The following INSL6 variants were observed in gnomAD, a reference collection of about 807,000 sequenced individuals.
The protein encoded by INSL6 is insulin-like peptide INSL6.
Under a neutral mutation model 9.4 loss-of-function variants are expected in INSL6, and 16 were observed. That is an observed-to-expected ratio of 1.70 (90% CI 1.15 to 2.59). The LOEUF (loss-of-function observed/expected upper bound fraction) is 2.59, where lower values mean the gene tolerates loss of function less well. Among genes scored for constraint, INSL6 ranks in the 30% most tolerant of loss-of-function variants. The pLI, the probability that INSL6 is intolerant of heterozygous loss-of-function variation, is 0.00. For missense variants in INSL6, 391 were observed against 257.3 expected (o/e 1.52, Z -3.56); for synonymous variants, 154 against 96.9 (o/e 1.59, Z -3.46).
chr9:5,096,398 G>T, the INSL6 span, among the ~76,000 whole-genome samples: 1 of 152,106 alleles, frequency 6.6e-6, no homozygotes, highest in Non-Finnish European at 1.5e-5. Flanking sequence ...CTTTAATTAA[G>T]CTAAGTCCTT....
intron 1 of INSL6, among the ~76,000 whole-genome samples, chr9:5,174,614 A>G (rs1400581606): frequency 1.3e-5 from 2 of 152,166 alleles, no homozygotes; most frequent in African/African-American, 2.4e-5. Context: ...TTCTATGTAC[A>G]CTTACTCTTC....
the INSL6 span, among the ~76,000 whole-genome samples, chr9:5,081,476 C>A: frequency 2.6e-4 from 40 of 152,258 alleles, no homozygotes; most frequent in Non-Finnish European, 1.3e-4. Context: ...TATTACCTTA[C>A]TTTATGAATA....
the INSL6 span, among the ~76,000 whole-genome samples, chr9:5,040,108 T>C: frequency 2.0e-5 from 3 of 152,204 alleles, no homozygotes; most frequent in African/African-American, 7.2e-5. Context: ...AGGATGAATA[T>C]ACAGATTAAT....
At chr9:5,022,256 G>A in the INSL6 span, 2 of 1,354,854 alleles carry the variant, frequency 1.5e-6, no homozygotes, top group African/African-American at 2.9e-5. Context: ...TGCATGGATT[G>A]TTTTAATTAT....
chr9:5,124,938 A>T (rs1207890974), intron 3 of INSL6, among the ~76,000 whole-genome samples: 1 of 151,562 alleles, frequency 6.6e-6, no homozygotes, highest in East Asian at 1.9e-4. Context: ...ACTAGCTTGA[A>T]TTTTTAAAAA....
chr9:5,156,676 A>T (rs1824819800), intron 2 of INSL6, among the ~76,000 whole-genome samples: 1 of 152,218 alleles, frequency 6.6e-6, no homozygotes, highest in African/African-American at 2.4e-5. Context: ...AGTCCTAGGC[A>T]ATGCAATGAG....
At chr9:5,122,709 A>G (rs1294801700), downstream of INSL6, among the ~76,000 whole-genome samples, 3 of 152,086 alleles carry the variant, frequency 2.0e-5, no homozygotes, top group Middle Eastern at 3.4e-3. Context: ...CCTGGCACAT[A>G]CTAAAGTTAC....
the INSL6 span, chr9:5,090,929 TGATAA>T: frequency 5.9e-6 from 9 of 1,515,016 alleles, no homozygotes; most frequent in Non-Finnish European, 8.0e-6. Context: ...TATTTCAGTA[TGATAA>T]ATGAAATTTT....
At chr9:5,170,268 A>T (rs1825149578) in intron 1 of INSL6, among the ~76,000 whole-genome samples, 1 of 152,214 alleles carries the variant, frequency 6.6e-6, no homozygotes, top group Non-Finnish European at 1.5e-5. Context: ...TAAATGATAA[A>T]ATTAAGGCAG....
chr9:5,136,506 A>C (rs1824389369), intron 2 of INSL6, among the ~76,000 whole-genome samples: 1 of 152,122 alleles, frequency 6.6e-6, no homozygotes, highest in Non-Finnish European at 1.5e-5. Flanking sequence ...ATAAACAGAA[A>C]CAATGAGAAA....
the INSL6 span, among the ~76,000 whole-genome samples, chr9:5,052,610 C>A: frequency 6.6e-6 from 1 of 152,050 alleles, no homozygotes; most frequent in African/African-American, 2.4e-5. Flanking sequence ...TGCATCCTTT[C>A]TGAAAGAAAC....
At chr9:5,099,541 C>G in the INSL6 span, 48 of 152,216 alleles carry the variant, frequency 3.2e-4, no homozygotes, top group African/African-American at 1.2e-3. Context: ...CACAAAAACA[C>G]AAGGCTTCCT....
chr9:5,023,870 T>A, the INSL6 span, among the ~76,000 whole-genome samples: 1 of 150,134 alleles, frequency 6.7e-6, no homozygotes, highest in South Asian at 2.1e-4. Flanking sequence ...TCCTTTAGCT[T>A]ATAGTAAGAT....
chr9:5,163,901 AT>A lies in INSL6; in HGVS notation c.*11del. 6.5e-7 allele frequency: 1 copy of A among 1,531,348 alleles called. No homozygotes were observed. Among genetic ancestry groups the A allele is most frequent in the East Asian group, 2.2e-5 (1 of 44,458 alleles). The allele number at this position is 1,531,348 out of a possible 1,614,324, so 94.9% of individuals were successfully genotyped here. Reference sequence around the variant, plus strand: ...TTAAGCTTTTATTAGGTTAGAAAAAATTCTAAGATGGTTAGTATATCTTAGT... The same window carrying A: ...TTAAGCTTTTATTAGGTTAGAAAAAATCTAAGATGGTTAGTATATCTTAGT... On this transcript the variant is annotated 3_prime_UTR_variant, in exon 2 of 2. Transcript: ENST00000381641.
chr9:5,138,109 T>C (rs1003656301), intron 2 of INSL6, among the ~76,000 whole-genome samples: 2 of 152,072 alleles, frequency 1.3e-5, no homozygotes, highest in Non-Finnish European at 2.9e-5. Flanking sequence ...TGTGGAGAAA[T>C]AGGAATGCTT....
intron 2 of INSL6, among the ~76,000 whole-genome samples, chr9:5,153,588 A>G (rs1000929550): frequency 1.3e-5 from 2 of 152,242 alleles, no homozygotes; most frequent in East Asian, 3.8e-4. Flanking sequence ...CCATCGTCTC[A>G]GCCCAAAATC....
the INSL6 span, among the ~76,000 whole-genome samples, chr9:5,000,618 T>C: frequency 6.6e-6 from 1 of 152,226 alleles, no homozygotes; most frequent in East Asian, 1.9e-4. Context: ...TTTTTGAGCT[T>C]ATGTTTCATC....
chr9:5,047,051 C>T, the INSL6 span, among the ~76,000 whole-genome samples: 1 of 152,080 alleles, frequency 6.6e-6, no homozygotes, highest in Non-Finnish European at 1.5e-5. Flanking sequence ...TCTAGCATGG[C>T]AAGGTAATTC....
the INSL6 span, among the ~76,000 whole-genome samples, chr9:5,027,882 G>C: frequency 6.6e-6 from 1 of 152,112 alleles, no homozygotes; most frequent in Non-Finnish European, 1.5e-5. Context: ...TCTAATTTTA[G>C]TTCTCTTGTT....
Sources: allele counts gnomAD v4.1 joint callset (sites outside exome capture counted in the v4.1 genomes callset), GRCh38; gene constraint gnomAD v4.1.1; transcripts MANE v1.5; gene names NCBI Gene and HGNC (gene_info 2026-07-23, HGNC 2026-07-21).